The following MAP3K20 variants were observed in gnomAD, a reference collection of about 807,000 sequenced individuals.
MAP3K20 encodes the protein HCCS-4.
A neutral mutation model predicts 85.7 loss-of-function variants in MAP3K20; 40 were observed. The observed-to-expected ratio is 0.47, with a 90% CI of 0.36 to 0.61. The LOEUF is 0.61. MAP3K20 is among the 20% of genes least tolerant of loss of function. The pLI, the probability that MAP3K20 is intolerant of heterozygous loss-of-function variation, is 0.00. For missense variants in MAP3K20, 817 were observed against 961.7 expected (o/e 0.85, Z 1.99); for synonymous variants, 325 against 327.7 (o/e 0.99, Z 0.09).
chr2:173,163,269 C>T (rs1689717745), intron 2 of MAP3K20, among the ~76,000 whole-genome samples: 1 of 152,150 alleles, frequency 6.6e-6, no homozygotes. Flanking sequence ...CAATCCTCAC[C>T]CTCCTCCCAC....
intron 3 of MAP3K20, among the ~76,000 whole-genome samples, chr2:173,171,300 A>C (rs1689994996): frequency 6.6e-6 from 1 of 152,160 alleles, no homozygotes; most frequent in East Asian, 1.9e-4. Context: ...TACTTTTTAA[A>C]TCTGAATCCA....
Position 173,239,411 on chromosome 2 carries a change from G to C in MAP3K20, c.1274G>C (p.Gly425Ala). 6.2e-7 allele frequency: 1 copy of C among 1,612,470 alleles called. No homozygotes were observed. The highest frequency in any genetic ancestry group is 8.5e-7 in the Non-Finnish European group (1 of 1,179,648). ...FHFPPLIKDSGGEPEENEEKI... is the reference protein window; with the variant it reads ...FHFPPLIKDSAGEPEENEEKI... ...CTTGGTTTCCTGTTTTAGGACTCAG[G>C]AGGTGAACCTGAAGAAAATGAGGAA... The change falls in exon 16 of 20, where the codon GGA becomes GCA. Residue 425 changes from glycine to alanine, a missense_variant. This residue lies in a region of MAP3K20 where 454 missense variants were observed against 476.9 expected (regional missense o/e 0.95). Coordinates refer to ENST00000375213, the MANE Select transcript of MAP3K20 (RefSeq NM_016653.3).
intron 2 of MAP3K20, among the ~76,000 whole-genome samples, chr2:173,149,862 A>C (rs1213477665): frequency 1.3e-5 from 2 of 152,224 alleles, no homozygotes; most frequent in Non-Finnish European, 1.5e-5. Context: ...ACTTCAAGTG[A>C]CTATTGACTT....
intron 12 of MAP3K20, 151 bp downstream of exon 12, chr2:173,229,884 G>GC (rs34494652): frequency 2.3e-6 from 2 of 851,274 alleles, no homozygotes; most frequent in Non-Finnish European, 3.7e-6. Flanking sequence ...AGGCTGGAGT[G>GC]CAGTGGTGCG....
At chr2:173,102,843 G>A (rs913703608) in intron 2 of MAP3K20, among the ~76,000 whole-genome samples, 1 of 152,082 alleles carries the variant, frequency 6.6e-6, no homozygotes, top group African/African-American at 2.4e-5. Flanking sequence ...ATACTCATAG[G>A]TGGGCAGATC....
intron 7 of MAP3K20, 144 bp downstream of exon 7, chr2:173,191,321 C>G: frequency 8.6e-7 from 1 of 1,159,296 alleles, no homozygotes; most frequent in Non-Finnish European, 1.2e-6. Context: ...CATTGGAGAA[C>G]GCTTCCTAGT....
rs534497900 is a variant in MAP3K20 at position 173,201,046 on chromosome 2, G to C, written c.670-2750G>C. On this transcript the variant is annotated intron_variant, in intron 8 of 19. Coordinates refer to ENST00000375213, the MANE Select transcript of MAP3K20 (RefSeq NM_016653.3). ...TATACTGTCAAGACCAGGCAATTGAGATTGGCGCATTACTCTTACCCAGAC... is the reference window on the plus strand; with the variant it reads ...TATACTGTCAAGACCAGGCAATTGACATTGGCGCATTACTCTTACCCAGAC... Among the ~76,000 whole-genome samples the C allele has an allele frequency of 3.2e-4, 48 of 152,292 alleles. No individual in the cohort carries two copies. The South Asian group carries it at 9.7e-3, about 31-fold the overall frequency.
At chr2:173,173,337 A>C (rs1332571658) in intron 3 of MAP3K20, among the ~76,000 whole-genome samples, 1 of 152,116 alleles carries the variant, frequency 6.6e-6, no homozygotes, top group Non-Finnish European at 1.5e-5. Context: ...TGGTAATCTA[A>C]GAGTAAAGAA....
intron 2 of MAP3K20, among the ~76,000 whole-genome samples, chr2:173,154,568 A>G (rs1689400569): frequency 6.6e-6 from 1 of 152,126 alleles, no homozygotes; most frequent in Non-Finnish European, 1.5e-5. Context: ...CGTGTTTTGT[A>G]CTTCTGATGG....
chr2:173,241,921 G>T (rs1442148624), intron 16 of MAP3K20, among the ~76,000 whole-genome samples: 2 of 152,270 alleles, frequency 1.3e-5, no homozygotes, highest in African/African-American at 4.8e-5. Context: ...AAGGGGACAG[G>T]AAAGTAAGTT....
At chr2:173,213,877 T>G (rs2106310428) in intron 10 of MAP3K20, among the ~76,000 whole-genome samples, 1 of 152,364 alleles carries the variant, frequency 6.6e-6, no homozygotes, top group South Asian at 2.1e-4. Context: ...GAATTATATG[T>G]TTTTATCAGA....
chr2:173,117,053 GAGTT>G (rs1367933901), intron 2 of MAP3K20, among the ~76,000 whole-genome samples: 4 of 152,194 alleles, frequency 2.6e-5, no homozygotes, highest in Admixed American at 2.0e-4. Context: ...AGTTCTAAAA[GAGTT>G]AGGAAAGAGA....
chr2:173,221,394 C>T, intron 11 of MAP3K20: 2 of 1,614,006 alleles, frequency 1.2e-6, no homozygotes, highest in Non-Finnish European at 1.7e-6. Flanking sequence ...CAGAATTCTT[C>T]CAAAACCACA....
intron 1 of MAP3K20, among the ~76,000 whole-genome samples, chr2:173,079,130 A>G (rs527531130): frequency 5.3e-5 from 8 of 152,360 alleles, no homozygotes; most frequent in African/African-American, 1.7e-4. Flanking sequence ...AGCCTACTAC[A>G]CACCTAGGCT....
chr2:173,129,698 C>T (rs1188906369), intron 2 of MAP3K20, among the ~76,000 whole-genome samples: 1 of 152,126 alleles, frequency 6.6e-6, no homozygotes, highest in Non-Finnish European at 1.5e-5. Context: ...TTTCATTAAG[C>T]GATATGGAGG....
chr2:173,150,440 G>A (rs7575189), intron 2 of MAP3K20, among the ~76,000 whole-genome samples: 68,723 of 152,032 alleles, frequency 0.45, 18,079 homozygotes, highest in South Asian at 0.68. Context: ...TCCTACACAG[G>A]GTTGTTTCAG....
In MAP3K20 at chr2:173,191,200, G is replaced by A. The variant is rs756242458; in HGVS notation, c.582+23G>A. 10 of 1,608,906 alleles carry A rather than the reference G, an allele frequency of 6.2e-6. No homozygotes were observed. The East Asian group carries it at 1.3e-4, about 22-fold the overall frequency. On this transcript the variant is annotated intron_variant, in intron 7 of 19. Transcript: ENST00000375213. ...GTGGTGAGTTCATTTCTCATTTCTT[G>A]TTTACTAAGGGAAATACAAAAAGCA...
chr2:173,196,151 G>C (rs957598341), intron 7 of MAP3K20, among the ~76,000 whole-genome samples: 2 of 152,130 alleles, frequency 1.3e-5, no homozygotes, highest in Non-Finnish European at 2.9e-5. Flanking sequence ...TGGGGGTCTG[G>C]AGCGTTTGAT....
chr2:173,205,262 T>C (rs974362988), intron 9 of MAP3K20, among the ~76,000 whole-genome samples: 9 of 152,160 alleles, frequency 5.9e-5, no homozygotes, highest in Admixed American at 4.6e-4. Context: ...ACTGATCTTT[T>C]AAACAGAGAC....
Sources: allele counts gnomAD v4.1 joint callset (sites outside exome capture counted in the v4.1 genomes callset), GRCh38; gene constraint gnomAD v4.1.1; regional missense constraint gnomAD v4.1.1; transcripts MANE v1.5; gene names NCBI Gene and HGNC (gene_info 2026-07-23, HGNC 2026-07-21).